Variants in GRXCR2 observed in about 807,000 individuals in gnomAD.
The protein encoded by GRXCR2 is glutaredoxin and cysteine rich domain containing 2, also known as glutaredoxin domain-containing cysteine-rich protein 2.
In GRXCR2, 23 loss-of-function variants were observed where a neutral mutation model predicts 24.8. The ratio of observed to expected loss-of-function variants is 0.93; its 90% CI spans 0.67 to 1.32. The LOEUF is 1.32. Among genes scored for constraint, GRXCR2 ranks in the 40% most tolerant of loss-of-function variants. The probability of loss-of-function intolerance (pLI) is 0.00; values close to 1 mark genes in which losing one functional copy is unlikely to be tolerated. For missense variants in GRXCR2, 315 were observed against 303.4 expected, an observed-to-expected ratio of 1.04 and a Z score of -0.28; for synonymous variants, 130 against 116.1, an observed-to-expected ratio of 1.12 and a Z score of -0.77.
intron 2 of GRXCR2, among the ~76,000 whole-genome samples, chr5:145,912,744 T>C (rs150714194): frequency 0.012 from 1,811 of 152,092 alleles, 37 homozygotes; most frequent in African/African-American, 0.041. Flanking sequence ...AGGCCTAAGG[T>C]GGCACCAGCC....
intron 2 of GRXCR2, among the ~76,000 whole-genome samples, chr5:145,922,911 T>C (rs905815102): frequency 2.0e-5 from 3 of 152,210 alleles, no homozygotes; most frequent in Non-Finnish European, 4.4e-5. Flanking sequence ...GTATGTCCCA[T>C]GTACCAGTGG....
intron 2 of GRXCR2, 95 bp downstream of exon 2, chr5:145,866,406 A>C (rs1489674879): frequency 1.3e-6 from 1 of 761,236 alleles, no homozygotes; most frequent in Non-Finnish European, 2.2e-6. Flanking sequence ...ATTCATATTC[A>C]AAAGGTTTTA....
Position 145,869,561 on chromosome 5 carries a change from T to C in GRXCR2, c.337-2833A>G, listed in dbSNP as rs536874619. Among the ~76,000 whole-genome samples the C allele has an allele frequency of 1.4e-4, 13 of 95,432 alleles. 1 individual carries two copies. The highest frequency in any genetic ancestry group is 1.2e-3 in the South Asian group (4 of 3,314). 62.6% of individuals were successfully genotyped at this position (95,432 alleles called of 152,430 possible). ...AGAGCTTCTTTCTCTCTCTCTCTCT[T>C]TTTTTTTTTTTTTTGAGACGGAGTC... On this transcript the variant is annotated intron_variant, in intron 1 of 2. Coordinates refer to ENST00000377976, the MANE Select transcript of GRXCR2 (RefSeq NM_001080516.2).
At chr5:145,909,854 T>G (rs760048762) in intron 2 of GRXCR2, among the ~76,000 whole-genome samples, 1 of 152,204 alleles carries the variant, frequency 6.6e-6, no homozygotes, top group Non-Finnish European at 1.5e-5. Flanking sequence ...TAAATATTGC[T>G]GATCTCTTGA....
rs1483575959 is a variant in GRXCR2, at chr5:145,858,720, T to A, written c.*1013A>T. Reference sequence around the variant, plus strand: ...TGTTATTCTTAAGGGGCTTGGGGAGTGGGTGTTAGAGCTATAAAAGTTCAT... The same window carrying A: ...TGTTATTCTTAAGGGGCTTGGGGAGAGGGTGTTAGAGCTATAAAAGTTCAT... On this transcript the variant is annotated 3_prime_UTR_variant, in exon 3 of 3. Transcript: ENST00000377976. 1 of 151,920 alleles carries A rather than the reference T, an allele frequency of 6.6e-6. No homozygotes were observed. The allele number at this position is 151,920 out of a possible 1,614,324, so 9.4% of individuals were successfully genotyped here.
intron 2 of GRXCR2, among the ~76,000 whole-genome samples, chr5:145,862,182 T>C (rs1756349456): frequency 6.6e-6 from 1 of 152,186 alleles, no homozygotes. Flanking sequence ...GAAAGTACAG[T>C]AAAATCCTAA....
Position 145,872,627 on chromosome 5 carries a change from A to G in GRXCR2, c.336+6T>C. ...TTAAAGCCTATATGCCATGCACAATACCAACCTTATGGTCATTCGCCTTGT... is the reference window on the plus strand; with the variant it reads ...TTAAAGCCTATATGCCATGCACAATGCCAACCTTATGGTCATTCGCCTTGT... On this transcript the variant is annotated splice_donor_region_variant and intron_variant, in intron 1 of 2. Transcript: ENST00000377976. The G allele has an allele frequency of 1.3e-6, 2 of 1,586,738 alleles. No homozygotes were observed. Among genetic ancestry groups the G allele is most frequent in the Non-Finnish European group, 8.6e-7 (1 of 1,164,574 alleles).
chr5:145,884,628 GA>G (rs5871945), intron 2 of GRXCR2, among the ~76,000 whole-genome samples: 212 of 147,960 alleles, frequency 1.4e-3, no homozygotes, highest in Non-Finnish European at 1.7e-3. Context: ...AAGTAAAAAT[GA>G]AAAAAAAAAT....
chr5:145,876,189 G>GTATATATATA (rs1295310846), upstream of GRXCR2, among the ~76,000 whole-genome samples: 1 of 68,446 alleles, frequency 1.5e-5, no homozygotes, highest in Non-Finnish European at 2.5e-5. Context: ...ATGTGTGTGT[G>GTATATATATA]TGTATATATA....
intron 2 of GRXCR2, among the ~76,000 whole-genome samples, chr5:145,891,328 G>C (rs1382077051): frequency 2.0e-5 from 3 of 152,120 alleles, no homozygotes; most frequent in Admixed American, 2.0e-4. Context: ...GCCAAAGCAG[G>C]GTGAGGCATC....
At chr5:145,861,000 G>T (rs1370147889) in intron 2 of GRXCR2, among the ~76,000 whole-genome samples, 2 of 151,766 alleles carry the variant, frequency 1.3e-5, no homozygotes, top group African/African-American at 4.8e-5. Flanking sequence ...TGGTGATCTT[G>T]GTACTCCTTA....
chr5:145,869,682 C>T (rs34816579), intron 1 of GRXCR2, among the ~76,000 whole-genome samples: 2 of 151,936 alleles, frequency 1.3e-5, no homozygotes, highest in South Asian at 2.1e-4. Context: ...CTCAGCCTCC[C>T]GAGTAGCTGG....
At chr5:145,920,572 C>T (rs1447417495) in intron 2 of GRXCR2, among the ~76,000 whole-genome samples, 1 of 152,122 alleles carries the variant, frequency 6.6e-6, no homozygotes, top group Non-Finnish European at 1.5e-5. Flanking sequence ...GGTCATTCTG[C>T]CACTCAAGTT....
intron 2 of GRXCR2, among the ~76,000 whole-genome samples, chr5:145,927,923 G>C (rs2149930731): frequency 6.6e-6 from 1 of 152,294 alleles, no homozygotes; most frequent in South Asian, 2.1e-4. Context: ...AAACTAAAGA[G>C]CTTCTGCACA....
intron 2 of GRXCR2, among the ~76,000 whole-genome samples, chr5:145,893,429 T>A (rs9799981): frequency 0.38 from 57,597 of 151,854 alleles, 11,596 homozygotes; most frequent in East Asian, 0.71. Flanking sequence ...AATAAAGGGA[T>A]GGAGGAAGAA....
At chr5:145,861,398 G>A (rs540071017) in intron 2 of GRXCR2, among the ~76,000 whole-genome samples, 2 of 152,202 alleles carry the variant, frequency 1.3e-5, no homozygotes, top group East Asian at 3.9e-4. Flanking sequence ...GGGCCTCTCT[G>A]TACTTGGTCT....
chr5:145,860,749 T>C lies in GRXCR2; in HGVS notation c.565-834A>G, dbSNP rs529582468. On this transcript the variant is annotated intron_variant, in intron 2 of 2. Coordinates refer to ENST00000377976, the MANE Select transcript of GRXCR2 (RefSeq NM_001080516.2). Reference sequence around the variant, plus strand: ...TCTGCCATCAGCTGTGCAACTTGAATAGTTCCCTTAGCCTCTCCCAATCTG... The same window carrying C: ...TCTGCCATCAGCTGTGCAACTTGAACAGTTCCCTTAGCCTCTCCCAATCTG... 1.6e-3 allele frequency among the ~76,000 whole-genome samples: 248 copies of C among 152,334 alleles called. 1 individual carries two copies. Among genetic ancestry groups the C allele is most frequent in the Non-Finnish European group, 2.8e-3 (188 of 68,020 alleles).
At chr5:145,928,831 A>G (rs1757436721) in intron 2 of GRXCR2, among the ~76,000 whole-genome samples, 1 of 151,980 alleles carries the variant, frequency 6.6e-6, no homozygotes, top group Non-Finnish European at 1.5e-5. Flanking sequence ...GCAGCACACC[A>G]ACATGGCACA....
chr5:145,899,374 C>T (rs533827963), intron 2 of GRXCR2, among the ~76,000 whole-genome samples: 1 of 152,158 alleles, frequency 6.6e-6, no homozygotes, highest in Non-Finnish European at 1.5e-5. Context: ...AACAAACTAC[C>T]AACATAATTT....
Sources: gnomAD v4.1 joint callset for allele counts (sites outside exome capture counted in the v4.1 genomes callset) on GRCh38, gnomAD v4.1.1 for gene constraint, MANE v1.5 for transcripts, NCBI Gene and HGNC (gene_info 2026-07-23, HGNC 2026-07-21) for gene names.